Variants in MAPK10 observed in about 807,000 individuals in gnomAD.
The protein encoded by MAPK10 is mitogen-activated protein kinase 10.
In MAPK10, 25 loss-of-function variants were observed where a neutral mutation model predicts 59.3. That is an observed-to-expected ratio of 0.42 (90% CI 0.31 to 0.59). The LOEUF (loss-of-function observed/expected upper bound fraction) is 0.59, where lower values mean the gene tolerates loss of function less well. MAPK10 is among the 20% of genes least tolerant of loss of function. The probability of loss-of-function intolerance (pLI) is 0.15; values close to 1 mark genes in which losing one functional copy is unlikely to be tolerated. For missense variants in MAPK10, 351 were observed against 568.9 expected (o/e 0.62, Z 3.90); for synonymous variants, 190 against 200.5 (o/e 0.95, Z 0.44).
At chr4:86,262,523 G>A (rs1434718764) in intron 2 of MAPK10, among the ~76,000 whole-genome samples, 2 of 152,128 alleles carry the variant, frequency 1.3e-5, no homozygotes, top group Non-Finnish European at 2.9e-5. Flanking sequence ...CATGTCAGGA[G>A]GTTTCTGGTT....
chr4:86,513,628 C>A (rs1191937939), intron 1 of MAPK10, among the ~76,000 whole-genome samples: 3 of 152,152 alleles, frequency 2.0e-5, no homozygotes, highest in Non-Finnish European at 4.4e-5. Context: ...GGATTTCCCA[C>A]AATCCTACTA....
intron 2 of MAPK10, among the ~76,000 whole-genome samples, chr4:86,316,952 T>C (rs564849661): frequency 6.6e-6 from 1 of 152,250 alleles, no homozygotes; most frequent in South Asian, 2.1e-4. Context: ...TAATTAATAC[T>C]CAAAATTTTT....
At chr4:86,328,853 G>A (rs2096084662) in intron 2 of MAPK10, among the ~76,000 whole-genome samples, 2 of 152,042 alleles carry the variant, frequency 1.3e-5, no homozygotes, top group South Asian at 4.2e-4. Flanking sequence ...GCCTGTCAGG[G>A]GAGGGGAGCA....
At chr4:86,114,326 A>G (rs1052115583) in intron 4 of MAPK10, among the ~76,000 whole-genome samples, 2 of 152,208 alleles carry the variant, frequency 1.3e-5, no homozygotes, top group Non-Finnish European at 2.9e-5. Flanking sequence ...GCATATTTGC[A>G]TTGATTCTTT....
intron 11 of MAPK10, among the ~76,000 whole-genome samples, chr4:86,049,085 G>A (rs962005038): frequency 9.9e-5 from 15 of 152,142 alleles, no homozygotes; most frequent in African/African-American, 3.6e-4. Flanking sequence ...ATGTTTATCA[G>A]AAAGAAAGTG....
intron 13 of MAPK10, among the ~76,000 whole-genome samples, chr4:86,018,538 A>G (rs1166392261): frequency 6.6e-6 from 1 of 152,210 alleles, no homozygotes; most frequent in Admixed American, 6.5e-5. Context: ...AAACCTGCCC[A>G]TGGTAATCAC....
intron 1 of MAPK10, among the ~76,000 whole-genome samples, chr4:86,452,401 A>C (rs528492486): frequency 6.6e-5 from 10 of 152,330 alleles, no homozygotes; most frequent in African/African-American, 2.4e-4. Flanking sequence ...AAATTATTGT[A>C]GGCATGGAAG....
rs2093470524 is a variant in MAPK10, at chr4:86,252,077, T to C, written c.-6-57670A>G. Among the ~76,000 whole-genome samples, 5 of 120,648 alleles carry C rather than the reference T, an allele frequency of 4.1e-5. No individual in the cohort carries two copies. In the South Asian group the frequency reaches 1.2e-3, roughly 29 times the overall value. The allele number at this position is 120,648 out of a possible 152,430, so 79.1% of individuals were successfully genotyped here. On this transcript the variant is annotated intron_variant, in intron 2 of 13. Coordinates refer to ENST00000641462, the MANE Select transcript of MAPK10 (RefSeq NM_138982.4). ...ATTGTAGCTTCTGGATATTAGCCCT[T>C]TGTCAGATGAGTAGGTTGCGAAAAT... is the stretch of plus-strand genomic sequence containing the variant.
chr4:86,421,078 C>T (rs569290292), intron 1 of MAPK10, among the ~76,000 whole-genome samples: 2 of 151,506 alleles, frequency 1.3e-5, no homozygotes, highest in Non-Finnish European at 2.9e-5. Context: ...TGAGACTCCA[C>T]CTCAGAAAGA....
intron 11 of MAPK10, among the ~76,000 whole-genome samples, chr4:86,040,415 C>T (rs2041275609): frequency 6.6e-6 from 1 of 151,650 alleles, no homozygotes; most frequent in South Asian, 2.1e-4. Context: ...AATTTGTAGC[C>T]TTGAAGACAA....
intron 9 of MAPK10, among the ~76,000 whole-genome samples, chr4:86,088,883 GAAT>G (rs1477699991): frequency 6.6e-6 from 1 of 152,038 alleles, no homozygotes; most frequent in African/African-American, 2.4e-5. Context: ...ATCTAGCTAT[GAAT>G]ATATCTTCAT....
chr4:86,156,292 G>A (rs1490740468), intron 4 of MAPK10, among the ~76,000 whole-genome samples: 1 of 151,732 alleles, frequency 6.6e-6, no homozygotes, highest in African/African-American at 2.4e-5. Flanking sequence ...TTTAAAGGTT[G>A]GTTAACATAA....
intron 1 of MAPK10, among the ~76,000 whole-genome samples, chr4:86,516,547 T>C (rs532980698): frequency 6.6e-6 from 1 of 152,370 alleles, no homozygotes; most frequent in African/African-American, 2.4e-5. Context: ...TTGTGTCGTC[T>C]GTGAATTCTT....
chr4:86,159,999 C>A (rs1172329625), intron 3 of MAPK10, among the ~76,000 whole-genome samples: 1 of 151,954 alleles, frequency 6.6e-6, no homozygotes, highest in Admixed American at 6.6e-5. Context: ...GTCTTGACTT[C>A]ATTTGTCCTC....
At position 86,223,959 on chromosome 4, in the gene MAPK10, G is replaced by A. The variant is rs145465726; in HGVS notation, c.-6-29552C>T. 3.1e-4 allele frequency among the ~76,000 whole-genome samples: 47 copies of A among 152,168 alleles called. 1 individual carries two copies. In the East Asian group the frequency reaches 7.7e-3, roughly 25 times the overall value. On this transcript the variant is annotated intron_variant, in intron 2 of 13. Coordinates refer to ENST00000641462, the MANE Select transcript of MAPK10 (RefSeq NM_138982.4). The stretch of plus-strand genomic sequence containing the variant: ...TGGCATGTGTGGCATCATCAATCTT[G>A]ACACCTGAACCAAATTTGTGGGAGA...
chr4:86,149,585 T>C (rs2065901464), intron 4 of MAPK10, among the ~76,000 whole-genome samples: 1 of 152,170 alleles, frequency 6.6e-6, no homozygotes, highest in Non-Finnish European at 1.5e-5. Context: ...ATTATTTTAC[T>C]GGCATTCTGA....
At chr4:86,394,226 G>A (rs751388967) in intron 1 of MAPK10, among the ~76,000 whole-genome samples, 2 of 151,590 alleles carry the variant, frequency 1.3e-5, no homozygotes, top group African/African-American at 2.4e-5. Context: ...CCCAGATCGC[G>A]CCATTGCACT....
intron 11 of MAPK10, among the ~76,000 whole-genome samples, chr4:86,043,820 G>A (rs11929863): frequency 0.23 from 34,669 of 152,040 alleles, 4,154 homozygotes; most frequent in South Asian, 0.26. Flanking sequence ...TTCGTAGAAA[G>A]TGGATTTTCA....
chr4:86,509,834 G>A (rs1354993898), intron 1 of MAPK10, among the ~76,000 whole-genome samples: 3 of 152,046 alleles, frequency 2.0e-5, no homozygotes, highest in African/African-American at 7.2e-5. Flanking sequence ...TTATAAACTT[G>A]TGAGTTTGTA....
Sources: allele counts gnomAD v4.1 joint callset (sites outside exome capture counted in the v4.1 genomes callset), GRCh38; gene constraint gnomAD v4.1.1; transcripts MANE v1.5; gene names NCBI Gene and HGNC (gene_info 2026-07-23, HGNC 2026-07-21).